The following DENND5B variants were observed in gnomAD, a reference collection of about 807,000 sequenced individuals.
DENND5B encodes DENN domain-containing protein 5B.
DENND5B carries 34 observed loss-of-function variants against 140.6 expected under a neutral mutation model. The observed-to-expected ratio is 0.24, with a 90% confidence interval of 0.18 to 0.32. The LOEUF (loss-of-function observed/expected upper bound fraction) is 0.32. Ranked by LOEUF, DENND5B falls within the 10% of genes least tolerant of loss-of-function variation. The pLI, the probability that DENND5B is intolerant of heterozygous loss-of-function variation, is 1.00. For missense variants in DENND5B, 1,142 were observed against 1,560.2 expected (o/e 0.73, Z 4.52); for synonymous variants, 551 against 562.1 (o/e 0.98, Z 0.28).
At chr12:31,446,618 C>T (rs539184492) in intron 6 of DENND5B, among the ~76,000 whole-genome samples, 14 of 152,154 alleles carry the variant, frequency 9.2e-5, no homozygotes, top group African/African-American at 2.6e-4. Flanking sequence ...AACATAAGGC[C>T]GGGCGCAGTG....
intron 10 of DENND5B, among the ~76,000 whole-genome samples, chr12:31,424,131 G>C (rs1943138718): frequency 1.3e-5 from 2 of 152,074 alleles, no homozygotes; most frequent in Non-Finnish European, 1.5e-5. Context: ...GAAGAAGAAA[G>C]AAACATGCAC....
intron 1 of DENND5B, among the ~76,000 whole-genome samples, chr12:31,567,483 T>TGC (rs1949671248): frequency 7.2e-6 from 1 of 138,518 alleles, no homozygotes; most frequent in Non-Finnish European, 1.5e-5. Flanking sequence ...GCCAAGATCG[T>TGC]GCCACTGCAC....
At chr12:31,567,376 C>A (rs1178653304) in intron 1 of DENND5B, among the ~76,000 whole-genome samples, 1 of 151,740 alleles carries the variant, frequency 6.6e-6, no homozygotes, top group Admixed American at 6.6e-5. Context: ...CTTTCCTATC[C>A]ATCCCCCATC....
At chr12:31,411,603 A>C (rs1173901398) in intron 13 of DENND5B, among the ~76,000 whole-genome samples, 1 of 152,062 alleles carries the variant, frequency 6.6e-6, no homozygotes, top group African/African-American at 2.4e-5. Context: ...TCGGCCTCCC[A>C]AAGTGCTGGG....
intron 1 of DENND5B, among the ~76,000 whole-genome samples, chr12:31,546,155 CTA>C (rs758250250): frequency 9.2e-5 from 14 of 151,652 alleles, no homozygotes; most frequent in African/African-American, 3.1e-4. Flanking sequence ...AAATTAGAAA[CTA>C]TATATATATG....
At chr12:31,469,642 C>G (rs189244966) in intron 3 of DENND5B, among the ~76,000 whole-genome samples, 223 of 152,172 alleles carry the variant, frequency 1.5e-3, no homozygotes, top group Non-Finnish European at 2.9e-3. Context: ...ATGTATGTGG[C>G]CTGGTGCTAC....
intron 9 of DENND5B, among the ~76,000 whole-genome samples, chr12:31,425,278 C>CA (rs1943182356): frequency 6.6e-6 from 1 of 152,202 alleles, no homozygotes; most frequent in Non-Finnish European, 1.5e-5. Context: ...CATGCCACTG[C>CA]ACTCCAGCCC....
At chr12:31,554,676 C>T (rs1592040425) in intron 1 of DENND5B, among the ~76,000 whole-genome samples, 1 of 152,192 alleles carries the variant, frequency 6.6e-6, no homozygotes, top group East Asian at 1.9e-4. Context: ...TCCATTCTCC[C>T]CGTCACTTTC....
chr12:31,403,380 CT>C (rs67913140), intron 14 of DENND5B, among the ~76,000 whole-genome samples: 56,650 of 131,902 alleles, frequency 0.43, 11,575 homozygotes, highest in Admixed American at 0.61. Context: ...GTCCTCCCTT[CT>C]TTTTTTTTCT....
intron 3 of DENND5B, among the ~76,000 whole-genome samples, chr12:31,460,881 A>G (rs529669501): frequency 6.6e-6 from 1 of 151,902 alleles, no homozygotes; most frequent in Non-Finnish European, 1.5e-5. Flanking sequence ...GCCCACCACC[A>G]CACCAGGCTA....
chr12:31,565,161 C>T (rs2139355076), intron 1 of DENND5B, among the ~76,000 whole-genome samples: 1 of 152,210 alleles, frequency 6.6e-6, no homozygotes, highest in East Asian at 1.9e-4. Flanking sequence ...AATCCCAGCA[C>T]TTTCAGAGGC....
At chr12:31,424,442 C>G in intron 10 of DENND5B, 93 bp downstream of exon 10, 1 of 1,281,436 alleles carries the variant, frequency 7.8e-7, no homozygotes. Flanking sequence ...ACAAAAGAGC[C>G]TATTTTTTTT....
At chr12:31,559,298 G>C (rs1949397246) in intron 1 of DENND5B, among the ~76,000 whole-genome samples, 1 of 152,072 alleles carries the variant, frequency 6.6e-6, no homozygotes, top group African/African-American at 2.4e-5. Context: ...TGGAAACACA[G>C]AATAAAAGAA....
intron 1 of DENND5B, among the ~76,000 whole-genome samples, chr12:31,509,331 G>T (rs574686501): frequency 6.6e-6 from 1 of 152,330 alleles, no homozygotes; most frequent in East Asian, 1.9e-4. Flanking sequence ...CTAAAGAGGA[G>T]TTAATTTGGC....
At chr12:31,409,957 AT>A (rs1348358135) in intron 13 of DENND5B, among the ~76,000 whole-genome samples, 1 of 152,210 alleles carries the variant, frequency 6.6e-6, no homozygotes, top group Non-Finnish European at 1.5e-5. Flanking sequence ...TTGACTAAAA[AT>A]AAATAGCTCC....
chr12:31,536,491 G>A (rs1198977644), intron 1 of DENND5B, among the ~76,000 whole-genome samples: 1 of 151,952 alleles, frequency 6.6e-6, no homozygotes, highest in African/African-American at 2.4e-5. Context: ...AAGATTTAGT[G>A]AGCCTGAAGA....
chr12:31,475,373 A>G (rs535911489), intron 3 of DENND5B, among the ~76,000 whole-genome samples: 12 of 152,228 alleles, frequency 7.9e-5, no homozygotes, highest in Admixed American at 7.9e-4. Context: ...AACCATATCC[A>G]TAAATGCTTA....
intron 2 of DENND5B, among the ~76,000 whole-genome samples, chr12:31,485,744 T>A (rs917381241): frequency 6.6e-6 from 1 of 150,884 alleles, no homozygotes; most frequent in Non-Finnish European, 1.5e-5. Flanking sequence ...CTCCTCTCTC[T>A]CTCTCTCTCT....
chr12:31,472,202 A>C (rs1047151754), intron 3 of DENND5B, among the ~76,000 whole-genome samples: 1 of 152,224 alleles, frequency 6.6e-6, no homozygotes, highest in Admixed American at 6.5e-5. Flanking sequence ...AAAAACATTA[A>C]TAATGAGTCA....
Sources: allele counts gnomAD v4.1 joint callset (sites outside exome capture counted in the v4.1 genomes callset), GRCh38; gene constraint gnomAD v4.1.1; transcripts MANE v1.5; gene names NCBI Gene and HGNC (gene_info 2026-07-23, HGNC 2026-07-21).